The following FAM114A2 variants were observed in gnomAD, a reference collection of about 807,000 sequenced individuals.
FAM114A2 encodes the protein protein FAM114A2.
In FAM114A2, 53 loss-of-function variants were observed where a neutral mutation model predicts 58.4. That is an observed-to-expected ratio of 0.91 (90% CI 0.73 to 1.14). The LOEUF (loss-of-function observed/expected upper bound fraction) is 1.14. Ranked by LOEUF, FAM114A2 falls within the 50% of genes most tolerant of loss-of-function variation. The probability of loss-of-function intolerance (pLI) is 0.00; values close to 1 mark genes in which losing one functional copy is unlikely to be tolerated. For synonymous variants in FAM114A2, 228 were observed against 211.4 expected, an observed-to-expected ratio of 1.08 and a Z score of -0.68; for missense variants, 601 against 581.1, an observed-to-expected ratio of 1.03 and a Z score of -0.35.
At chr5:154,023,261 T>C (rs985219633) in intron 8 of FAM114A2, among the ~76,000 whole-genome samples, 1 of 152,150 alleles carries the variant, frequency 6.6e-6, no homozygotes, top group African/African-American at 2.4e-5. Flanking sequence ...GTTGTGCACA[T>C]GTACCCTAAA....
intron 7 of FAM114A2, 68 bp downstream of exon 7, chr5:154,027,108 G>C (rs1771837040): frequency 1.5e-6 from 2 of 1,318,470 alleles, no homozygotes; most frequent in Non-Finnish European, 2.1e-6. Context: ...TGTACAAAGA[G>C]AAAGGAAACC....
At chr5:154,002,539 A>C in intron 10 of FAM114A2, 149 bp from the exon 11 acceptor site, 1 of 928,612 alleles carries the variant, frequency 1.1e-6, no homozygotes, top group Non-Finnish European at 1.6e-6. Context: ...TAGTGATATA[A>C]TTTTACAGCT....
intron 4 of FAM114A2, among the ~76,000 whole-genome samples, chr5:154,033,409 C>G (rs1313617228): frequency 6.6e-6 from 1 of 152,200 alleles, no homozygotes; most frequent in East Asian, 1.9e-4. Flanking sequence ...ACCCCCAAAA[C>G]AATACATTAA....
chr5:154,026,017 T>G (rs1323187529), intron 8 of FAM114A2, among the ~76,000 whole-genome samples: 1 of 151,932 alleles, frequency 6.6e-6, no homozygotes, highest in Non-Finnish European at 1.5e-5. Context: ...GTTACAAGAG[T>G]CAGAGAGGCA....
At position 153,996,569 on chromosome 5, in the gene FAM114A2, T is replaced by TA. The variant is rs199965680; in HGVS notation, c.1329+1233dup. 3.4e-4 allele frequency among the ~76,000 whole-genome samples: 49 copies of TA among 143,128 alleles called. 1 individual carries two copies. The highest frequency in any genetic ancestry group is 1.1e-3 in the South Asian group (5 of 4,550). 93.9% of individuals were successfully genotyped at this position (143,128 alleles called of 152,430 possible). On this transcript the variant is annotated intron_variant, in intron 12 of 13. Coordinates refer to ENST00000351797, the MANE Select transcript of FAM114A2 (RefSeq NM_018691.4). ...GATAAGAAACTTGTACTAGGAAAAT[T>TA]AAAAAAAAAAAAAAAAATCTCCTAC...
intron 4 of FAM114A2, among the ~76,000 whole-genome samples, chr5:154,030,855 G>A (rs79626888): frequency 0.012 from 1,893 of 152,242 alleles, 49 homozygotes; most frequent in African/African-American, 0.042. Context: ...CAGAGCTCAC[G>A]CTAGGCTGAG....
At chr5:154,019,926 C>T (rs1581807670) in intron 8 of FAM114A2, among the ~76,000 whole-genome samples, 1 of 152,140 alleles carries the variant, frequency 6.6e-6, no homozygotes, top group Non-Finnish European at 1.5e-5. Context: ...TGTAAAAGAA[C>T]AGAAATCACA....
Position 154,011,282 on chromosome 5 carries a change from A to G in FAM114A2, c.952T>C (p.Ser318Pro), listed in dbSNP as rs745837986. ...DFTKDITELF[S>P]QLHVSSKPEK... ...GGTTTGGAGGAAACGTGCAGCTGGGAAAACAGCTCTGTTATGTCCTTGGTA... is the reference window on the plus strand; with the variant it reads ...GGTTTGGAGGAAACGTGCAGCTGGGGAAACAGCTCTGTTATGTCCTTGGTA... Residue 318 changes from serine to proline, a missense_variant, in exon 9 of 14, where the codon TCC becomes CCC. Ser to Pro is a moderately conservative substitution (Grantham distance 74). Coordinates refer to ENST00000351797, the MANE Select transcript of FAM114A2 (RefSeq NM_018691.4). 4.3e-6 allele frequency: 7 copies of G among 1,612,768 alleles called. No homozygotes were observed. The highest frequency in any genetic ancestry group is 5.9e-6 in the Non-Finnish European group (7 of 1,179,312).
At chr5:154,031,701 C>T (rs962587257) in intron 4 of FAM114A2, among the ~76,000 whole-genome samples, 1 of 152,182 alleles carries the variant, frequency 6.6e-6, no homozygotes, top group Non-Finnish European at 1.5e-5. Context: ...AATAATAAAC[C>T]TAATCCTCTT....
chr5:154,029,875 T>C (rs537774111), intron 4 of FAM114A2, among the ~76,000 whole-genome samples: 15 of 152,282 alleles, frequency 9.9e-5, no homozygotes, highest in Non-Finnish European at 2.1e-4. Flanking sequence ...GGTCAAACTG[T>C]AAGGTCAGAA....
chr5:154,030,972 C>G (rs796067690), intron 4 of FAM114A2, among the ~76,000 whole-genome samples: 23 of 152,166 alleles, frequency 1.5e-4, no homozygotes, highest in African/African-American at 5.5e-4. Context: ...ATAAACAGTA[C>G]TTAGTTAGAG....
At chr5:153,997,738 TATG>T (rs1769673044) in intron 12 of FAM114A2, 62 bp downstream of exon 12, 4 of 998,642 alleles carry the variant, frequency 4.0e-6, no homozygotes, top group Non-Finnish European at 6.3e-6. Flanking sequence ...GAGCAAATTT[TATG>T]ATATTTAAAC....
Position 154,010,606 on chromosome 5 carries a change from G to C in FAM114A2, c.993+635C>G, listed in dbSNP as rs945781275. ...CAAGATTGGTAGAGGTGGGTAAAGA[G>C]GTAGCAAGCAATCCATGACCCAGTG... On this transcript the variant is annotated intron_variant, in intron 9 of 13. Transcript: ENST00000351797. Among the ~76,000 whole-genome samples, 61 of 152,242 alleles carry C rather than the reference G, an allele frequency of 4.0e-4. 1 individual carries two copies. Among genetic ancestry groups the C allele is most frequent in the African/African-American group, 1.4e-3 (60 of 41,556 alleles).
At chr5:154,011,726 T>C (rs908480763) in intron 8 of FAM114A2, among the ~76,000 whole-genome samples, 2 of 152,192 alleles carry the variant, frequency 1.3e-5, no homozygotes, top group African/African-American at 2.4e-5. Flanking sequence ...AAGCAAGTAC[T>C]GTACATGCGC....
At chr5:154,014,709 GA>G (rs1770913960) in intron 8 of FAM114A2, among the ~76,000 whole-genome samples, 1 of 152,178 alleles carries the variant, frequency 6.6e-6, no homozygotes, top group Non-Finnish European at 1.5e-5. Context: ...GGTCCTTGGG[GA>G]GGATGGCCAG....
chr5:154,004,111 G>A (rs951083234), intron 9 of FAM114A2, among the ~76,000 whole-genome samples: 5 of 152,058 alleles, frequency 3.3e-5, no homozygotes, highest in African/African-American at 7.2e-5. Context: ...TCTGATATTC[G>A]CCCAATGACA....
chr5:154,004,337 T>A (rs951312300), intron 9 of FAM114A2, among the ~76,000 whole-genome samples: 3 of 152,164 alleles, frequency 2.0e-5, no homozygotes, highest in African/African-American at 7.2e-5. Context: ...TAAACGCCAA[T>A]ATTATTTGGA....
chr5:154,034,141 A>T (rs537049583), intron 3 of FAM114A2, 137 bp downstream of exon 3: 1 of 634,044 alleles, frequency 1.6e-6, no homozygotes, highest in Non-Finnish European at 2.8e-6. Flanking sequence ...TCAGCCCATC[A>T]TTACTAATGC....
intron 8 of FAM114A2, among the ~76,000 whole-genome samples, chr5:154,014,476 G>C (rs1044971076): frequency 2.0e-5 from 3 of 152,180 alleles, no homozygotes; most frequent in African/African-American, 7.2e-5. Context: ...CAAATACTGT[G>C]AGTGCCCAAA....
Sources: gnomAD v4.1 joint callset for allele counts (sites outside exome capture counted in the v4.1 genomes callset) on GRCh38, gnomAD v4.1.1 for gene constraint, MANE v1.5 for transcripts, NCBI Gene and HGNC (gene_info 2026-07-23, HGNC 2026-07-21) for gene names.